The following PRKCH variants were observed in gnomAD, a reference collection of about 807,000 sequenced individuals.
PRKCH encodes the protein protein kinase C eta, also known as protein kinase C eta type.
PRKCH carries 28 observed loss-of-function variants against 82.5 expected under a neutral mutation model. That is an observed-to-expected ratio of 0.34 (90% CI 0.25 to 0.47). The LOEUF (loss-of-function observed/expected upper bound fraction) is 0.47, where lower values mean the gene tolerates loss of function less well. PRKCH is among the 20% of genes least tolerant of loss of function. PRKCH has a pLI of 1.00. For synonymous variants in PRKCH, 322 were observed against 327.4 expected (o/e 0.98, Z 0.18); for missense variants, 705 against 881.8 (o/e 0.80, Z 2.54).
chr14:61,228,293 A>G (rs1457096871), intron 1 of PRKCH, among the ~76,000 whole-genome samples: 3 of 152,220 alleles, frequency 2.0e-5, no homozygotes. Context: ...TAGAAGACAG[A>G]GAGAAAAGCA....
At chr14:61,362,027 T>A (rs530323176) in intron 1 of PRKCH, among the ~76,000 whole-genome samples, 1 of 152,342 alleles carries the variant, frequency 6.6e-6, no homozygotes, top group South Asian at 2.1e-4. Context: ...TTTTTAAGAC[T>A]AATTGCTGTA....
At chr14:61,192,409 T>G (rs1381567604) in intron 1 of PRKCH, among the ~76,000 whole-genome samples, 1 of 152,236 alleles carries the variant, frequency 6.6e-6, no homozygotes, top group African/African-American at 2.4e-5. Flanking sequence ...TTGCAAGAAT[T>G]AGAGATGGTG....
chr14:61,450,710 A>G lies in PRKCH; in HGVS notation c.703-132A>G, dbSNP rs1019188946. On this transcript the variant is annotated intron_variant, in intron 5 of 13. Transcript: ENST00000332981. ...AGACCTGAGTAATTAATCAGGGCTG[A>G]GTACAGTAAAATAATATACCTAGCT... The G allele has an allele frequency of 1.2e-5, 13 of 1,050,386 alleles. No homozygotes were observed. The African/African-American group carries it at 1.9e-4, about 16-fold the overall frequency. The allele number at this position is 1,050,386 out of a possible 1,614,324, so 65.1% of individuals were successfully genotyped here.
At chr14:61,491,653 T>C (rs1886453619) in intron 10 of PRKCH, among the ~76,000 whole-genome samples, 1 of 152,222 alleles carries the variant, frequency 6.6e-6, no homozygotes, top group Admixed American at 6.5e-5. Context: ...GCTTTCCAGC[T>C]TCTTAGAGTA....
chr14:61,194,430 G>C (rs1485936103), intron 1 of PRKCH, among the ~76,000 whole-genome samples: 1 of 152,142 alleles, frequency 6.6e-6, no homozygotes, highest in African/African-American at 2.4e-5. Context: ...TCTTATAAAA[G>C]AGACCCCTGG....
intron 1 of PRKCH, among the ~76,000 whole-genome samples, chr14:61,282,199 A>C (rs1210109059): frequency 6.6e-6 from 1 of 151,936 alleles, no homozygotes; most frequent in African/African-American, 2.4e-5. Context: ...TAAGGAAGTA[A>C]ACTACAAGGA....
intron 9 of PRKCH, among the ~76,000 whole-genome samples, chr14:61,474,127 T>A (rs79853705): frequency 6.6e-6 from 1 of 152,152 alleles, no homozygotes; most frequent in Non-Finnish European, 1.5e-5. Flanking sequence ...AGTGGTTTCA[T>A]AGTAGGATAA....
At chr14:61,366,976 G>C (rs1470489223) in intron 1 of PRKCH, among the ~76,000 whole-genome samples, 1 of 152,018 alleles carries the variant, frequency 6.6e-6, no homozygotes, top group Non-Finnish European at 1.5e-5. Context: ...CTAAACATGA[G>C]ATTTCTAAAA....
In PRKCH at chr14:61,280,052, GT is replaced by G; in HGVS notation, c.-19+92388del. The G allele has an allele frequency of 6.5e-7, 1 of 1,529,526 alleles. No homozygotes were observed. The highest frequency in any genetic ancestry group is 8.8e-7 in the Non-Finnish European group (1 of 1,135,336). 94.7% of individuals were successfully genotyped at this position (1,529,526 alleles called of 1,614,324 possible). A position where few individuals can be genotyped will look rare whatever the true frequency, so the allele number is the denominator to read the frequency against. Reference sequence around the variant, plus strand: ...GAGATGCCAAAAGCACCTTGCAAGAGTTTTGGCAAGAAGCAGGAGGGATCCC... The same window carrying G: ...GAGATGCCAAAAGCACCTTGCAAGAGTTTGGCAAGAAGCAGGAGGGATCCC... On this transcript the variant is annotated intron_variant, in intron 1 of 3. Coordinates refer to the PRKCH transcript ENST00000555185. This position sits in a 1 kb window ranked among gnomAD's most constrained non-coding sequence, Gnocchi z 5.0.
chr14:61,461,871 A>G (rs1401846745), intron 9 of PRKCH, among the ~76,000 whole-genome samples: 25 of 152,222 alleles, frequency 1.6e-4, no homozygotes, highest in Admixed American at 1.6e-3. Flanking sequence ...CCCAGTGTTT[A>G]GTGGGTGAAG....
At chr14:61,491,713 C>T (rs1886456356) in intron 10 of PRKCH, among the ~76,000 whole-genome samples, 1 of 152,230 alleles carries the variant, frequency 6.6e-6, no homozygotes, top group African/African-American at 2.4e-5. Context: ...TAGTGAAACT[C>T]ATCAGCCACT....
intron 1 of PRKCH, among the ~76,000 whole-genome samples, chr14:61,198,845 G>A (rs568934781): frequency 3.7e-4 from 56 of 152,342 alleles, no homozygotes; most frequent in African/African-American, 1.3e-3. Flanking sequence ...GAAATAAACA[G>A]ATTTTCACTA....
chr14:61,187,575 A>G (rs2044372872), exon 1 of PRKCH: 1 of 152,712 alleles, frequency 6.5e-6, no homozygotes, highest in South Asian at 2.1e-4. Context: ...CTGCATGCTT[A>G]TCGGGGTGTA....
intron 1 of PRKCH, among the ~76,000 whole-genome samples, chr14:61,291,355 G>T: frequency 7.6e-6 from 1 of 130,754 alleles, no homozygotes; most frequent in African/African-American, 2.8e-5. Flanking sequence ...TTTTGAGACG[G>T]AGTCTCGCCC....
chr14:61,497,019 A>G (rs1296047768), intron 10 of PRKCH, among the ~76,000 whole-genome samples: 2 of 152,174 alleles, frequency 1.3e-5, no homozygotes, highest in Admixed American at 1.3e-4. Context: ...CCTTCTGGAA[A>G]GTTTCTCTGA....
At chr14:61,346,690 T>C (rs114927756) in intron 1 of PRKCH, among the ~76,000 whole-genome samples, 121 of 152,316 alleles carry the variant, frequency 7.9e-4, no homozygotes, top group African/African-American at 2.8e-3. Flanking sequence ...TGTATGTGTG[T>C]ACTATGGTGT....
At chr14:61,250,197 G>A (rs1416692453) in intron 1 of PRKCH, among the ~76,000 whole-genome samples, 1 of 150,822 alleles carries the variant, frequency 6.6e-6, no homozygotes, top group African/African-American at 2.4e-5. Context: ...GTTGCAGTGA[G>A]CCGAACTCCA....
intron 1 of PRKCH, among the ~76,000 whole-genome samples, chr14:61,196,618 G>A (rs1222866107): frequency 6.6e-6 from 1 of 152,156 alleles, no homozygotes; most frequent in Non-Finnish European, 1.5e-5. Context: ...CTTTTTGGCT[G>A]CATAAATACA....
At position 61,329,306 on chromosome 14, in the gene PRKCH, G is replaced by T. The variant is rs139320134; in HGVS notation, c.363+6842G>T. ...GGCTGGAGTACAGTGGCACGATCTCGGCTCACTTCAACCTCCGCCTCCCAG... is the reference window on the plus strand; with the variant it reads ...GGCTGGAGTACAGTGGCACGATCTCTGCTCACTTCAACCTCCGCCTCCCAG... On this transcript the variant is annotated intron_variant, in intron 1 of 13. Transcript: ENST00000332981. Among the ~76,000 whole-genome samples the T allele has an allele frequency of 3.6e-3, 448 of 124,804 alleles. 3 individuals are homozygous for T. Among genetic ancestry groups the T allele is most frequent in the African/African-American group, 0.012 (416 of 34,486 alleles). 81.9% of individuals were successfully genotyped at this position (124,804 alleles called of 152,430 possible).
Sources: gnomAD v4.1 joint callset for allele counts (sites outside exome capture counted in the v4.1 genomes callset) on GRCh38, gnomAD v4.1.1 for gene constraint, Gnocchi (gnomAD v3.1) non-coding constraint, MANE v1.5 for transcripts, NCBI Gene and HGNC (gene_info 2026-07-23, HGNC 2026-07-21) for gene names.